The following SHANK1 variants were observed in gnomAD, a reference collection of about 807,000 sequenced individuals.
SHANK1 encodes SH3 and multiple ankyrin repeat domains 1, also known as SH3 and multiple ankyrin repeat domains protein 1.
Under a neutral mutation model 165.6 loss-of-function variants are expected in SHANK1, and 35 were observed. The ratio of observed to expected loss-of-function variants is 0.21; its 90% CI spans 0.16 to 0.28. The LOEUF is 0.28. Ranked by LOEUF, SHANK1 falls within the 10% of genes least tolerant of loss-of-function variation. The pLI is 1.00. For synonymous variants in SHANK1, 1,428 were observed against 1,384.8 expected (o/e 1.03, Z -0.69); for missense variants, 2,681 against 3,036.4 (o/e 0.88, Z 2.75).
chr19:50,697,228 G>T lies in SHANK1; in HGVS notation c.1938-106C>A. Reference sequence around the variant, plus strand: ...CTGACTGCACCCTCCCCACACCGGTGCATGGGACACACACATTCCCACTGC... The same window carrying T: ...CTGACTGCACCCTCCCCACACCGGTTCATGGGACACACACATTCCCACTGC... On this transcript the variant is annotated intron_variant, in intron 14 of 23. Transcript: ENST00000293441. This position sits in a 1 kb window ranked among gnomAD's most constrained non-coding sequence, Gnocchi z 4.7. 6.6e-7 allele frequency: 1 copy of T among 1,508,896 alleles called. No homozygotes were observed. The allele number at this position is 1,508,896 out of a possible 1,614,324, so 93.5% of individuals were successfully genotyped here. A position where few individuals can be genotyped will look rare whatever the true frequency, so the allele number is the denominator to read the frequency against.
In SHANK1 at chr19:50,687,974, C is replaced by A; in HGVS notation, c.2257G>T (p.Val753Leu). 1 of 1,614,140 alleles carries A rather than the reference C, an allele frequency of 6.2e-7. No homozygotes were observed. Among genetic ancestry groups the A allele is most frequent in the Non-Finnish European group, 8.5e-7 (1 of 1,179,986 alleles). ...RQGGNTLMVK[V>L]VMVTRHPDMD... ...TCCGGGTGCCTGGTGACCATCACCACCTTCACCATCAGCGTGTTGCCCCCT... is the reference window on the plus strand; with the variant it reads ...TCCGGGTGCCTGGTGACCATCACCAACTTCACCATCAGCGTGTTGCCCCCT... The change falls in exon 18 of 24, where the codon GTG (valine) becomes TTG (leucine). Residue 753 changes from valine (V) to leucine (L), a missense_variant. Coordinates refer to ENST00000293441, the MANE Select transcript of SHANK1 (RefSeq NM_016148.5).
intron 8 of SHANK1, among the ~76,000 whole-genome samples, chr19:50,706,436 G>A (rs936607231): frequency 4.6e-5 from 7 of 151,942 alleles, no homozygotes; most frequent in Non-Finnish European, 7.4e-5. Flanking sequence ...TCCATGCCAC[G>A]GCCTAGGAGG....
At chr19:50,664,122 CTTTT>C (rs34384254) in intron 23 of SHANK1, among the ~76,000 whole-genome samples, 1 of 136,672 alleles carries the variant, frequency 7.3e-6, no homozygotes, top group African/African-American at 2.8e-5. Context: ...TCTTTTCTTT[CTTTT>C]TTTTTTTTTT....
In SHANK1 at chr19:50,689,331, A is replaced by T. The variant is rs746292564; in HGVS notation, c.1965-52T>A. ...GGGTGGTGGGGGGAGTGGAGAAGACATCATGAGACACAGAGGCTGTCCCCC... is the reference window on the plus strand; with the variant it reads ...GGGTGGTGGGGGGAGTGGAGAAGACTTCATGAGACACAGAGGCTGTCCCCC... On this transcript the variant is annotated intron_variant, in intron 15 of 23. Coordinates refer to ENST00000293441, the MANE Select transcript of SHANK1 (RefSeq NM_016148.5). 52 of 1,330,424 alleles carry T rather than the reference A, an allele frequency of 3.9e-5. No homozygotes were observed. In the Admixed American group the frequency reaches 4.0e-4, roughly 10 times the overall value. 82.4% of individuals were successfully genotyped at this position (1,330,424 alleles called of 1,614,324 possible). A position where few individuals can be genotyped will look rare whatever the true frequency, so the allele number is the denominator to read the frequency against.
intron 15 of SHANK1, among the ~76,000 whole-genome samples, chr19:50,694,669 G>A (rs983222333): frequency 1.4e-5 from 2 of 147,076 alleles, no homozygotes; most frequent in South Asian, 2.2e-4. Context: ...TATTAGGGGG[G>A]AGGGTCGGGG....
chr19:50,701,392 C>T (rs936492326), intron 12 of SHANK1, among the ~76,000 whole-genome samples: 20 of 151,010 alleles, frequency 1.3e-4, no homozygotes, highest in Non-Finnish European at 2.7e-4. Context: ...GGGGATTCAC[C>T]ATGTTGGCCA....
intron 18 of SHANK1, 86 bp downstream of exon 18, chr19:50,687,837 C>G (rs559151016): frequency 6.4e-7 from 1 of 1,558,958 alleles, no homozygotes; most frequent in African/African-American, 1.3e-5. Context: ...AAGGGAAGGC[C>G]TTGGGCAGCA....
intron 15 of SHANK1, among the ~76,000 whole-genome samples, chr19:50,692,416 C>T (rs1295516732): frequency 6.7e-6 from 1 of 148,436 alleles, no homozygotes; most frequent in South Asian, 2.1e-4. Flanking sequence ...CAAGATGACA[C>T]CAGCTAGAAA....
chr19:50,688,717 G>A lies in SHANK1; in HGVS notation c.2172+127C>T, dbSNP rs1986440945. On this transcript the variant is annotated intron_variant, in intron 17 of 23. Coordinates refer to ENST00000293441, the MANE Select transcript of SHANK1 (RefSeq NM_016148.5). The surrounding 1 kb of genome is among the most constrained non-coding windows in gnomAD (Gnocchi z 6.7). ...GGAAAGCAGAGGCTGGCTGGGGGGT[G>A]GGCAGGGGGCTGGGAATCCTGGTGC... 3 of 843,962 alleles carry A rather than the reference G, an allele frequency of 3.6e-6. No individual in the cohort carries two copies. Among genetic ancestry groups the A allele is most frequent in the Non-Finnish European group, 5.5e-6 (3 of 540,792 alleles). 52.3% of individuals were successfully genotyped at this position (843,962 alleles called of 1,614,324 possible).
chr19:50,677,148 A>G (rs542133759), intron 21 of SHANK1, among the ~76,000 whole-genome samples: 150 of 133,230 alleles, frequency 1.1e-3, no homozygotes, highest in Non-Finnish European at 2.1e-3. Flanking sequence ...TTTTTTTGAG[A>G]TGGGAGTCTC....
Position 50,672,075 on chromosome 19 carries a change from C to T in SHANK1, c.2617G>A (p.Glu873Lys), listed in dbSNP as rs1444209368. The change falls in exon 22 of 24, where the codon GAG (glutamate) becomes AAG (lysine). Residue 873 changes from glutamate (E) to lysine (K), a missense_variant. By Grantham distance (56) the Glu-to-Lys change is moderately conservative (BLOSUM62 1). Transcript: ENST00000293441. Reference sequence around the variant, plus strand: ...CCTGGAGGCAGGAAAGAAGGACGCTCGTAACTTGGCTGGGCACGGTGGTGG... The same window carrying T: ...CCTGGAGGCAGGAAAGAAGGACGCTTGTAACTTGGCTGGGCACGGTGGTGG... ...DPHHRAQPSY[E>K]RPSFLPPGPG... The T allele has an allele frequency of 6.2e-6, 10 of 1,613,926 alleles. No individual in the cohort carries two copies. Among genetic ancestry groups the T allele is most frequent in the East Asian group, 2.2e-5 (1 of 44,876 alleles).
rs542720682 is a variant in SHANK1, at chr19:50,663,625, T to G, written c.5769-943A>C. On this transcript the variant is annotated intron_variant, in intron 23 of 23. Coordinates refer to ENST00000293441, the MANE Select transcript of SHANK1 (RefSeq NM_016148.5). ...GGAGTTGCACAGTCTTTGCCTGTCCTGTCCAGCAGGGGATCCCATCACCCA... is the reference window on the plus strand; with the variant it reads ...GGAGTTGCACAGTCTTTGCCTGTCCGGTCCAGCAGGGGATCCCATCACCCA... Among the ~76,000 whole-genome samples the G allele has an allele frequency of 5.9e-5, 9 of 152,222 alleles. No individual in the cohort carries two copies. The South Asian group carries it at 1.9e-3, about 32-fold the overall frequency.
Position 50,668,547 on chromosome 19 carries a change from G to GTCCACGGC in SHANK1, c.3412_3413insGCCGTGGA (p.Pro1138ArgfsTer208), listed in dbSNP as rs1985658505. 4 of 1,351,876 alleles carry GTCCACGGC rather than the reference G, an allele frequency of 3.0e-6. No individual in the cohort carries two copies. In the African/African-American group the frequency reaches 6.1e-5, roughly 21 times the overall value. 83.7% of individuals were successfully genotyped at this position (1,351,876 alleles called of 1,614,324 possible). Reference sequence around the variant, plus strand: ...CGCGGCCACGGCGGGCGGCGGCTGCGGGGAGGCCGGGGACGTGGGCGACGG... The same window carrying GTCCACGGC: ...CGCGGCCACGGCGGGCGGCGGCTGCGTCCACGGCGGGAGGCCGGGGACGTGGGCGACGG... On this transcript the variant is annotated frameshift_variant, in exon 23 of 24. Transcript: ENST00000293441. LOFTEE classifies it high-confidence loss of function.
In SHANK1 at chr19:50,668,630, C is replaced by A; in HGVS notation, c.3330G>T (p.Leu1110=). 3 of 1,371,740 alleles carry A rather than the reference C, an allele frequency of 2.2e-6. No homozygotes were observed. Among genetic ancestry groups the A allele is most frequent in the Non-Finnish European group, 1.9e-6 (2 of 1,059,444 alleles). 85.0% of individuals were successfully genotyped at this position (1,371,740 alleles called of 1,614,324 possible). The change falls in exon 23 of 24, where the codon CTG becomes CTT. Residue 1110 remains leucine, a synonymous_variant. Coordinates refer to ENST00000293441, the MANE Select transcript of SHANK1 (RefSeq NM_016148.5). ...ARSGRGRKGP[L]VKQTKVEGEP... ...CGCCTTCCACCTTGGTCTGCTTGAC[C>A]AGCGGGCCCTTGCGGCCGCGGCCCG...
intron 18 of SHANK1, 71 bp from the exon 19 acceptor site, chr19:50,687,733 G>T (rs1986403075): frequency 3.6e-6 from 5 of 1,381,566 alleles, no homozygotes; most frequent in Non-Finnish European, 4.9e-6. Context: ...CCACCACAGG[G>T]CTCCCAGGGC....
At chr19:50,687,135 C>T (rs1275578736) in intron 19 of SHANK1, 1 of 744,168 alleles carries the variant, frequency 1.3e-6, no homozygotes. Context: ...CCTCGGGGCC[C>T]CGGGGTGGGG....
chr19:50,703,863 G>A, intron 10 of SHANK1, 33 bp from the exon 11 acceptor site: 1 of 1,053,366 alleles, frequency 9.5e-7, no homozygotes, highest in Non-Finnish European at 1.3e-6. Context: ...GGGGGCAGAT[G>A]TTAGGGGAGA....
rs1020540054 is a variant in SHANK1, at chr19:50,660,301, G to A, written c.*1664C>T. Among the ~76,000 whole-genome samples the A allele has an allele frequency of 3.9e-5, 6 of 151,988 alleles. No individual in the cohort carries two copies. Among genetic ancestry groups the A allele is most frequent in the Non-Finnish European group, 8.8e-5 (6 of 67,998 alleles). On this transcript the variant is annotated 3_prime_UTR_variant, in exon 24 of 24. Coordinates refer to ENST00000293441, the MANE Select transcript of SHANK1 (RefSeq NM_016148.5). ...TCTTGGAGTGGACAGGTTAGGAGAG[G>A]GCAATCTTCGTGCAAAAGGGATGGA...
rs536967469 is a variant in SHANK1 at position 50,717,589 on chromosome 19, G to C, written c.-43-627C>G. 1.3e-5 allele frequency among the ~76,000 whole-genome samples: 2 copies of C among 152,192 alleles called. No homozygotes were observed. Among genetic ancestry groups the C allele is most frequent in the African/African-American group, 4.8e-5 (2 of 41,438 alleles). On this transcript the variant is annotated intron_variant, in intron 1 of 23. Transcript: ENST00000293441. This position sits in a 1 kb window ranked among gnomAD's most constrained non-coding sequence, Gnocchi z 5.5. ...AGGGGAGCAAGGGGCACTGAGATGGGGGTGTCATGGGCAGAGCATTTGGCC... is the reference window on the plus strand; with the variant it reads ...AGGGGAGCAAGGGGCACTGAGATGGCGGTGTCATGGGCAGAGCATTTGGCC...
Sources: gnomAD v4.1 joint callset for allele counts (sites outside exome capture counted in the v4.1 genomes callset) on GRCh38, gnomAD v4.1.1 for gene constraint, Gnocchi (gnomAD v3.1) non-coding constraint, MANE v1.5 for transcripts, NCBI Gene and HGNC (gene_info 2026-07-23, HGNC 2026-07-21) for gene names.